The following NDE1 variants were observed in gnomAD, a reference collection of about 807,000 sequenced individuals.
The protein encoded by NDE1 is nudE neurodevelopment protein 1.
NDE1 carries 28 observed loss-of-function variants against 43.4 expected under a neutral mutation model. The observed-to-expected ratio is 0.65, with a 90% CI of 0.48 to 0.89. The LOEUF is 0.89. Among genes scored for constraint, NDE1 ranks in the 40% least tolerant of loss-of-function variants. The probability of loss-of-function intolerance (pLI) is 0.00; values close to 1 mark genes in which losing one functional copy is unlikely to be tolerated. For synonymous variants in NDE1, 184 were observed against 172.0 expected, an observed-to-expected ratio of 1.07 and a Z score of -0.55; for missense variants, 441 against 434.1, an observed-to-expected ratio of 1.02 and a Z score of -0.14.
intron 8 of NDE1, chr16:15,721,778 A>C (rs891853015): frequency 3.8e-6 from 3 of 793,822 alleles, no homozygotes; most frequent in Admixed American, 2.3e-5. Context: ...GGAGTAATTT[A>C]TATAATCATC....
At chr16:15,655,297 C>T (rs1428697906) in intron 1 of NDE1, among the ~76,000 whole-genome samples, 2 of 152,114 alleles carry the variant, frequency 1.3e-5, no homozygotes, top group African/African-American at 4.8e-5. Context: ...GGACTACAGG[C>T]GTGCATCGTG....
At chr16:15,676,466 C>T (rs2037885968) in intron 3 of NDE1, among the ~76,000 whole-genome samples, 1 of 152,054 alleles carries the variant, frequency 6.6e-6, no homozygotes, top group South Asian at 2.1e-4. Context: ...CCCACCTCAG[C>T]CCTCCAAAGT....
intron 6 of NDE1, among the ~76,000 whole-genome samples, chr16:15,692,389 C>A (rs1380560010): frequency 6.6e-6 from 1 of 152,182 alleles, no homozygotes; most frequent in African/African-American, 2.4e-5. Context: ...AGTGAGACTT[C>A]TAGAATTCCG....
At chr16:15,669,201 GTT>G (rs1039873341) in intron 3 of NDE1, among the ~76,000 whole-genome samples, 1 of 122,416 alleles carries the variant, frequency 8.2e-6, no homozygotes, top group South Asian at 2.7e-4. Context: ...TGCCCAGCCT[GTT>G]TTTTTTTTGA....
intron 8 of NDE1, among the ~76,000 whole-genome samples, chr16:15,702,567 CAACA>C (rs951786804): frequency 8.5e-6 from 1 of 117,932 alleles, no homozygotes; most frequent in African/African-American, 3.5e-5. Flanking sequence ...CTAACAACAA[CAACA>C]AAAAAACACC....
At chr16:15,662,193 C>T (rs986597816) in intron 1 of NDE1, among the ~76,000 whole-genome samples, 11 of 152,002 alleles carry the variant, frequency 7.2e-5, no homozygotes, top group Admixed American at 6.6e-5. Flanking sequence ...CTTGCCTTGG[C>T]CTCCCATAGT....
chr16:15,695,408 T>G, intron 7 of NDE1: 1 of 775,024 alleles, frequency 1.3e-6, no homozygotes, highest in Non-Finnish European at 1.6e-6. Flanking sequence ...CTTGAGAGGC[T>G]TATGCAGGAA....
At chr16:15,703,776 T>TA (rs1400048434) in intron 8 of NDE1, 36 of 635,326 alleles carry the variant, frequency 5.7e-5, no homozygotes, top group Non-Finnish European at 8.6e-5. Flanking sequence ...CTTGTATAGA[T>TA]GAGGTTTTAC....
upstream of NDE1, among the ~76,000 whole-genome samples, chr16:15,647,372 G>C (rs2036351486): frequency 6.6e-6 from 1 of 152,190 alleles, no homozygotes; most frequent in Non-Finnish European, 1.5e-5. Context: ...CAGCTCTGAA[G>C]CCTGATTTGT....
chr16:15,683,768 T>A (rs1184374588), intron 4 of NDE1, among the ~76,000 whole-genome samples: 2 of 152,198 alleles, frequency 1.3e-5, no homozygotes, highest in Non-Finnish European at 2.9e-5. Flanking sequence ...CTGTAATCTG[T>A]CATCTTAGTA....
intron 3 of NDE1, among the ~76,000 whole-genome samples, chr16:15,670,401 T>A (rs771236070): frequency 9.2e-5 from 14 of 152,114 alleles, no homozygotes; most frequent in Non-Finnish European, 1.5e-4. Context: ...CTCATGCCTG[T>A]TATCCCAGCA....
At chr16:15,664,672 TCTG>T in intron 1 of NDE1, 61 bp from the exon 2 acceptor site, 1 of 916,890 alleles carries the variant, frequency 1.1e-6, no homozygotes, top group Non-Finnish European at 1.7e-6. Context: ...TTTTTTTTTT[TCTG>T]TTAAAGGGGA....
intron 8 of NDE1, chr16:15,713,601 T>C (rs147007062): frequency 0.028 from 4,243 of 152,344 alleles, 88 homozygotes; most frequent in Non-Finnish European, 0.044. Context: ...GCTCCACTGA[T>C]CGTCCCACCT....
chr16:15,674,553 TTTG>T (rs1283131217), intron 3 of NDE1, among the ~76,000 whole-genome samples: 1 of 152,130 alleles, frequency 6.6e-6, no homozygotes, highest in Non-Finnish European at 1.5e-5. Context: ...CCGGCCTGTC[TTTG>T]TTTTTAAACC....
intron 2 of NDE1, 83 bp from the exon 3 acceptor site, chr16:15,667,203 A>G: frequency 6.8e-7 from 1 of 1,465,592 alleles, no homozygotes; most frequent in Non-Finnish European, 9.6e-7. Flanking sequence ...ACGAGATTGC[A>G]GCACTGCATT....
At chr16:15,710,531 TAAAAAG>T (rs2039721119) in intron 8 of NDE1, among the ~76,000 whole-genome samples, 2 of 151,232 alleles carry the variant, frequency 1.3e-5, no homozygotes, top group Admixed American at 1.3e-4. Context: ...AAATAAATAA[TAAAAAG>T]AAAAGAAATC....
At chr16:15,650,981 G>A (rs548913066) in intron 1 of NDE1, among the ~76,000 whole-genome samples, 1 of 152,178 alleles carries the variant, frequency 6.6e-6, no homozygotes, top group Non-Finnish European at 1.5e-5. Context: ...CTTTGGGGAG[G>A]GATTGGGTAA....
At chr16:15,655,685 T>C (rs935773796) in intron 1 of NDE1, among the ~76,000 whole-genome samples, 3 of 152,034 alleles carry the variant, frequency 2.0e-5, no homozygotes, top group African/African-American at 7.2e-5. Flanking sequence ...CACACGTATG[T>C]TTATTGCGGC....
chr16:15,710,124 G>A (rs1022806791), intron 8 of NDE1, among the ~76,000 whole-genome samples: 4 of 152,144 alleles, frequency 2.6e-5, no homozygotes, highest in East Asian at 1.9e-4. Context: ...TATTCGTGTC[G>A]GAACTGGCAA....
Sources: gnomAD v4.1 joint callset for allele counts (sites outside exome capture counted in the v4.1 genomes callset) on GRCh38, gnomAD v4.1.1 for gene constraint, MANE v1.5 for transcripts, NCBI Gene and HGNC (gene_info 2026-07-23, HGNC 2026-07-21) for gene names.